HIP1: variants seen among roughly 807,000 people sequenced by gnomAD.
HIP1 encodes huntingtin interacting protein 1, also known as huntingtin-interacting protein 1.
Under a neutral mutation model 147.6 loss-of-function variants are expected in HIP1, and 65 were observed. That is an observed-to-expected ratio of 0.44 (90% CI 0.36 to 0.54). The LOEUF (loss-of-function observed/expected upper bound fraction) is 0.54, where lower values mean the gene tolerates loss of function less well. HIP1 is among the 20% of genes least tolerant of loss of function. The pLI is 0.00. For missense variants in HIP1, 1,061 were observed against 1,299.6 expected (o/e 0.82, Z 2.82); for synonymous variants, 479 against 504.0 (o/e 0.95, Z 0.67).
At chr7:75,650,506 G>A (rs1431253954) in intron 1 of HIP1, among the ~76,000 whole-genome samples, 1 of 144,020 alleles carries the variant, frequency 6.9e-6, no homozygotes, top group Non-Finnish European at 1.5e-5. Context: ...AGGCTGGAGT[G>A]CAATGGTGCG....
intron 1 of HIP1, among the ~76,000 whole-genome samples, chr7:75,670,602 C>T (rs2696211): frequency 0.57 from 85,796 of 151,568 alleles, 24,768 homozygotes; most frequent in African/African-American, 0.66. Flanking sequence ...CTCCCCAGCC[C>T]CTAGCAAACA....
chr7:75,635,539 C>T (rs1330098522), intron 1 of HIP1, among the ~76,000 whole-genome samples: 1 of 142,486 alleles, frequency 7.0e-6, no homozygotes, highest in African/African-American at 2.6e-5. Flanking sequence ...GATCGTGCCA[C>T]TGCACTCCAG....
At chr7:75,630,137 C>T (rs1368137102) in intron 1 of HIP1, among the ~76,000 whole-genome samples, 2 of 149,804 alleles carry the variant, frequency 1.3e-5, no homozygotes, top group Admixed American at 6.7e-5. Flanking sequence ...GCATTCCAGC[C>T]TCAGGGATAG....
In HIP1 at chr7:75,554,540, C is replaced by T; in HGVS notation, c.1964-14G>A. 1 of 1,605,374 alleles carries T rather than the reference C, an allele frequency of 6.2e-7. No individual in the cohort carries two copies. The highest frequency in any genetic ancestry group is 8.5e-7 in the Non-Finnish European group (1 of 1,172,606). ...AGAGGAGGTGATCTGTGAGAGGGAACACAGGGCAAGGTCAGAGCAAGTTCT... is the reference window on the plus strand; with the variant it reads ...AGAGGAGGTGATCTGTGAGAGGGAATACAGGGCAAGGTCAGAGCAAGTTCT... On this transcript the variant is annotated splice_polypyrimidine_tract_variant and intron_variant, in intron 19 of 30. Coordinates refer to ENST00000336926, the MANE Select transcript of HIP1 (RefSeq NM_005338.7).
Position 75,728,664 on chromosome 7 carries a change from T to C in HIP1, c.120+10137A>G, listed in dbSNP as rs369352642. Among the ~76,000 whole-genome samples, 45 of 151,626 alleles carry C rather than the reference T, an allele frequency of 3.0e-4. No homozygotes were observed. In the South Asian group the frequency reaches 5.8e-3, roughly 20 times the overall value. ...GCAGGGAATCTGATCTCCTGGGCCA[T>C]AGGGACACGCCCCATCCTTCTTAAC... On this transcript the variant is annotated intron_variant, in intron 1 of 30. Coordinates refer to ENST00000336926, the MANE Select transcript of HIP1 (RefSeq NM_005338.7).
chr7:75,565,129 C>T (rs1795358260), intron 9 of HIP1, among the ~76,000 whole-genome samples: 1 of 152,142 alleles, frequency 6.6e-6, no homozygotes, highest in Non-Finnish European at 1.5e-5. Flanking sequence ...ATAAACGAAA[C>T]CCCCAGGGTC....
At chr7:75,549,128 G>T (rs996165823) in intron 22 of HIP1, 127 bp from the exon 23 acceptor site, 11 of 623,456 alleles carry the variant, frequency 1.8e-5, no homozygotes, top group Non-Finnish European at 3.1e-5. Flanking sequence ...AAGCCACAGG[G>T]GTTGTGGGGG....
intron 9 of HIP1, among the ~76,000 whole-genome samples, chr7:75,564,800 G>A (rs1795348428): frequency 6.6e-6 from 1 of 151,960 alleles, no homozygotes; most frequent in African/African-American, 2.4e-5. Flanking sequence ...GTCTCTCTAT[G>A]TTGTCCAGGC....
chr7:75,729,359 T>A, intron 1 of HIP1, among the ~76,000 whole-genome samples: 1 of 132,424 alleles, frequency 7.6e-6, no homozygotes, highest in East Asian at 2.5e-4. Context: ...TGGCAGCACA[T>A]ACCTGTAGTC....
chr7:75,631,312 C>A (rs1308501630), intron 1 of HIP1, among the ~76,000 whole-genome samples: 3 of 152,116 alleles, frequency 2.0e-5, no homozygotes, highest in South Asian at 2.1e-4. Flanking sequence ...GACAGTGCTG[C>A]AAGTCTGCAG....
chr7:75,597,257 A>G (rs1554502110), intron 2 of HIP1, among the ~76,000 whole-genome samples: 1 of 152,198 alleles, frequency 6.6e-6, no homozygotes, highest in East Asian at 1.9e-4. Flanking sequence ...AGCAAACAGC[A>G]GTTCATATAT....
At chr7:75,665,247 G>A (rs1350924269) in intron 1 of HIP1, among the ~76,000 whole-genome samples, 1 of 152,034 alleles carries the variant, frequency 6.6e-6, no homozygotes, top group African/African-American at 2.4e-5. Flanking sequence ...GGGTGACAGA[G>A]CAAGACCCTA....
chr7:75,638,306 T>G (rs1798513084), intron 1 of HIP1, among the ~76,000 whole-genome samples: 1 of 151,508 alleles, frequency 6.6e-6, no homozygotes, highest in Non-Finnish European at 1.5e-5. Flanking sequence ...AATCACATCC[T>G]GGTACCGGCT....
intron 1 of HIP1, among the ~76,000 whole-genome samples, chr7:75,616,639 A>AG (rs1797679589): frequency 6.8e-6 from 1 of 148,008 alleles, no homozygotes; most frequent in African/African-American, 2.4e-5. Flanking sequence ...AGGAGGAGGA[A>AG]GAAATAGTAG....
At chr7:75,660,059 G>A (rs1356251754) in intron 1 of HIP1, among the ~76,000 whole-genome samples, 1 of 151,824 alleles carries the variant, frequency 6.6e-6, no homozygotes, top group African/African-American at 2.4e-5. Flanking sequence ...CGGAGAAGCG[G>A]AGGTTGCACT....
intron 29 of HIP1, among the ~76,000 whole-genome samples, chr7:75,540,209 C>T (rs1794252104): frequency 6.6e-6 from 1 of 151,926 alleles, no homozygotes; most frequent in Admixed American, 6.6e-5. Flanking sequence ...GGGTGGATCA[C>T]CTGGGGTCAG....
At chr7:75,540,361 G>A (rs1485310085) in intron 29 of HIP1, among the ~76,000 whole-genome samples, 6 of 151,602 alleles carry the variant, frequency 4.0e-5, no homozygotes, top group Non-Finnish European at 7.4e-5. Flanking sequence ...CCTGGAAGGC[G>A]GAGGTTGCAG....
At chr7:75,573,327 G>A (rs961634742) in intron 8 of HIP1, among the ~76,000 whole-genome samples, 2 of 152,160 alleles carry the variant, frequency 1.3e-5, no homozygotes, top group African/African-American at 2.4e-5. Flanking sequence ...CTGAACACTC[G>A]ACAGGACAAC....
In HIP1 at chr7:75,568,016, A is replaced by G. The variant is rs1248459644; in HGVS notation, c.803+183T>C. Among the ~76,000 whole-genome samples the G allele has an allele frequency of 2.0e-5, 3 of 151,930 alleles. No individual in the cohort carries two copies. The highest frequency in any genetic ancestry group is 7.3e-5 in the African/African-American group (3 of 41,342). On this transcript the variant is annotated intron_variant, in intron 9 of 30. Transcript: ENST00000336926. The surrounding 1 kb of genome is among the most constrained non-coding windows in gnomAD (Gnocchi z 4.1). ...TTTTCTGTAGAGATGGGGTCTCGCT[A>G]TGTTGCCCAGCCTGGTGTCAAACTC...
Sources: gnomAD v4.1 joint callset for allele counts (sites outside exome capture counted in the v4.1 genomes callset) on GRCh38, gnomAD v4.1.1 for gene constraint, Gnocchi (gnomAD v3.1) non-coding constraint, MANE v1.5 for transcripts, NCBI Gene and HGNC (gene_info 2026-07-23, HGNC 2026-07-21) for gene names.